ZFP1: variants seen among roughly 807,000 people sequenced by gnomAD.
ZFP1 encodes ZFP1 zinc finger protein, also known as zinc finger protein 1 homolog.
Under a neutral mutation model 38.5 loss-of-function variants are expected in ZFP1, and 32 were observed. That is an observed-to-expected ratio of 0.83 (90% confidence interval 0.63 to 1.12). The LOEUF (loss-of-function observed/expected upper bound fraction) is 1.12. Ranked by LOEUF, ZFP1 falls within the 50% of genes most tolerant of loss-of-function variation. ZFP1 has a pLI of 0.00. For synonymous variants in ZFP1, 245 were observed against 168.8 expected (o/e 1.45, Z -3.50); for missense variants, 616 against 480.8 (o/e 1.28, Z -2.63).
upstream of ZFP1, chr16:75,144,159 G>A (rs1457935257): frequency 1.3e-5 from 2 of 152,190 alleles, no homozygotes; most frequent in African/African-American, 4.8e-5. Flanking sequence ...CACACGTGGT[G>A]CTTACTCAGT....
chr16:75,167,578 C>G (rs1933395245), intron 3 of ZFP1, among the ~76,000 whole-genome samples: 1 of 152,090 alleles, frequency 6.6e-6, no homozygotes, highest in Admixed American at 6.6e-5. Context: ...TGTGATGAAC[C>G]TATGAGTGGG....
At chr16:75,141,378 AT>A in the ZFP1 span, among the ~76,000 whole-genome samples, 4 of 151,068 alleles carry the variant, frequency 2.6e-5, no homozygotes, top group South Asian at 6.3e-4. Context: ...AATTTTTTGT[AT>A]TTTTTTAAGC....
At chr16:75,149,557 C>CTTTTTTTTTTTTTTTTTTTTTTT (rs34371791) in intron 1 of ZFP1, among the ~76,000 whole-genome samples, 8 of 101,792 alleles carry the variant, frequency 7.9e-5, no homozygotes, top group South Asian at 3.2e-4. Context: ...TCTTTACTTT[C>CTTTTTTTTTTTTTTTTTTTTTTT]TTTTTTTTTT....
Position 75,169,431 on chromosome 16 carries a change from C to G in ZFP1, c.321C>G (p.Asp107Glu), listed in dbSNP as rs369812291. 68 of 1,612,446 alleles carry G rather than the reference C, an allele frequency of 4.2e-5. No individual in the cohort carries two copies. Among genetic ancestry groups the G allele is most frequent in the Non-Finnish European group, 5.7e-5 (67 of 1,179,668 alleles). Residue 107 changes from aspartate to glutamate, a missense_variant, in exon 4 of 4, where the codon GAC (aspartate) becomes GAG (glutamate). Asp to Glu is a conservative substitution (Grantham distance 45). Transcript: ENST00000570010. ...VSLRQVPYKY[D>E]LYEKTLKYNS... ...TAAGACAAGTACCTTATAAATATGA[C>G]TTATATGAAAAAACTTTGAAATATA...
chr16:75,151,773 C>T (rs2037215831), intron 1 of ZFP1, among the ~76,000 whole-genome samples: 1 of 55,590 alleles, frequency 1.8e-5, no homozygotes, highest in African/African-American at 3.8e-5. Context: ...TTTAACGATT[C>T]TCGAGATTTT....
intron 2 of ZFP1, among the ~76,000 whole-genome samples, chr16:75,166,120 C>T (rs542886311): frequency 3.5e-4 from 53 of 152,252 alleles, no homozygotes; most frequent in South Asian, 8.3e-4. Flanking sequence ...AGAGTTAAAA[C>T]TTTGACTATT....
At chr16:75,123,106 C>A in the ZFP1 span, among the ~76,000 whole-genome samples, 2 of 151,916 alleles carry the variant, frequency 1.3e-5, no homozygotes, top group African/African-American at 4.8e-5. Context: ...GTAATCCCAG[C>A]ACTTGGGGAG....
chr16:75,135,645 T>G, the ZFP1 span, among the ~76,000 whole-genome samples: 1 of 152,020 alleles, frequency 6.6e-6, no homozygotes, highest in Non-Finnish European at 1.5e-5. Context: ...GTGTTCAAGG[T>G]GGGAGGGATA....
At chr16:75,123,366 G>GTA in the ZFP1 span, among the ~76,000 whole-genome samples, 9,034 of 138,054 alleles carry the variant, frequency 0.065, 850 homozygotes, top group African/African-American at 0.2. Context: ...ATATATATGT[G>GTA]TATATATATA....
At chr16:75,129,151 T>A in the ZFP1 span, among the ~76,000 whole-genome samples, 7 of 152,188 alleles carry the variant, frequency 4.6e-5, no homozygotes, top group African/African-American at 1.4e-4. Context: ...TATATCAATT[T>A]TTCAGGATTG....
intron 2 of ZFP1, among the ~76,000 whole-genome samples, chr16:75,161,065 A>G (rs1488925583): frequency 6.6e-6 from 1 of 151,504 alleles, no homozygotes; most frequent in Non-Finnish European, 1.5e-5. Context: ...ATTTTTTTTT[A>G]ATTTATTTAA....
chr16:75,155,997 G>C (rs1003976452), intron 2 of ZFP1, among the ~76,000 whole-genome samples: 5 of 151,994 alleles, frequency 3.3e-5, no homozygotes, highest in Admixed American at 1.3e-4. Flanking sequence ...CCAAGACTTA[G>C]GTTATCATTT....
chr16:75,126,467 A>T, the ZFP1 span, among the ~76,000 whole-genome samples: 1 of 151,352 alleles, frequency 6.6e-6, no homozygotes, highest in Non-Finnish European at 1.5e-5. Context: ...GCAATTGTGC[A>T]ATCTTGGCTT....
chr16:75,162,552 G>T lies in ZFP1; in HGVS notation c.16-4218G>T, dbSNP rs201299198. On this transcript the variant is annotated intron_variant, in intron 2 of 3. Transcript: ENST00000570010. ...ATTTCAACTTATTTGAGATTTGGGG[G>T]TACATGTGCAGATTTGTTACATAGA... 1.5e-3 allele frequency among the ~76,000 whole-genome samples: 230 copies of T among 152,182 alleles called. 2 individuals carry two copies. The highest frequency in any genetic ancestry group is 0.014 in the East Asian group (72 of 5,190).
At chr16:75,133,296 C>T in the ZFP1 span, among the ~76,000 whole-genome samples, 6 of 152,076 alleles carry the variant, frequency 3.9e-5, no homozygotes, top group African/African-American at 9.6e-5. Context: ...ATTTTAGATT[C>T]GGGGGTACAT....
chr16:75,137,073 T>G, the ZFP1 span, among the ~76,000 whole-genome samples: 1 of 151,910 alleles, frequency 6.6e-6, no homozygotes, highest in Non-Finnish European at 1.5e-5. Flanking sequence ...CAGGGGCCCT[T>G]GGAGAAAGGG....
chr16:75,169,137 T>G (rs2038270268), intron 3 of ZFP1, 116 bp from the exon 4 acceptor site: 5 of 1,301,060 alleles, frequency 3.8e-6, no homozygotes, highest in Non-Finnish European at 5.1e-6. Flanking sequence ...ATTGGGAGAC[T>G]GGGTCCCAAA....
chr16:75,162,472 C>G (rs954418337), intron 2 of ZFP1, among the ~76,000 whole-genome samples: 1 of 152,096 alleles, frequency 6.6e-6, no homozygotes, highest in Non-Finnish European at 1.5e-5. Flanking sequence ...TAGTCAGTGC[C>G]TAACATTTTG....
the ZFP1 span, among the ~76,000 whole-genome samples, chr16:75,139,429 C>T: frequency 3.3e-5 from 5 of 150,036 alleles, no homozygotes; most frequent in Non-Finnish European, 5.9e-5. Context: ...TGGGGGCTCA[C>T]GCCTATAATT....
Sources: gnomAD v4.1 joint callset for allele counts (sites outside exome capture counted in the v4.1 genomes callset) on GRCh38, gnomAD v4.1.1 for gene constraint, MANE v1.5 for transcripts, NCBI Gene and HGNC (gene_info 2026-07-23, HGNC 2026-07-21) for gene names.